Variants in LMLN observed in about 807,000 individuals in gnomAD.
LMLN encodes the protein leishmanolysin-like peptidase.
Under a neutral mutation model 92.3 loss-of-function variants are expected in LMLN, and 70 were observed. That is an observed-to-expected ratio of 0.76 (90% CI 0.63 to 0.92). The LOEUF is 0.92. Among genes scored for constraint, LMLN ranks in the 40% least tolerant of loss-of-function variants. The pLI, the probability that LMLN is intolerant of heterozygous loss-of-function variation, is 0.00. For synonymous variants in LMLN, 308 were observed against 296.2 expected (o/e 1.04, Z -0.41); for missense variants, 691 against 814.6 (o/e 0.85, Z 1.85).
In LMLN at chr3:197,965,739, C is replaced by A. The variant is rs889859398; in HGVS notation, c.219+5299C>A. ...GACCAGCCTGGGCAACTTAGTGAAACCCCGTGTCTACAAAAAATACAAAAA... is the reference window on the plus strand; with the variant it reads ...GACCAGCCTGGGCAACTTAGTGAAAACCCGTGTCTACAAAAAATACAAAAA... On this transcript the variant is annotated intron_variant, in intron 1 of 15. Transcript: ENST00000330198. 6.6e-5 allele frequency among the ~76,000 whole-genome samples: 10 copies of A among 152,114 alleles called. 1 individual carries two copies. The highest frequency in any genetic ancestry group is 2.4e-4 in the African/African-American group (10 of 41,440).
intron 1 of LMLN, among the ~76,000 whole-genome samples, chr3:197,971,704 C>A (rs1721229294): frequency 6.6e-6 from 1 of 152,134 alleles, no homozygotes; most frequent in African/African-American, 2.4e-5. Flanking sequence ...CATGCCTCAG[C>A]TTCCTGAGGA....
At chr3:197,964,583 G>C (rs1367175537) in intron 1 of LMLN, among the ~76,000 whole-genome samples, 2 of 151,618 alleles carry the variant, frequency 1.3e-5, no homozygotes, top group Non-Finnish European at 2.9e-5. Context: ...ATTTTTAGTG[G>C]AGATGGGGTT....
chr3:197,967,799 G>A (rs1721101571), intron 1 of LMLN, among the ~76,000 whole-genome samples: 1 of 152,090 alleles, frequency 6.6e-6, no homozygotes, highest in South Asian at 2.1e-4. Context: ...CTTCCAGAGT[G>A]GCCATTTATA....
At chr3:197,969,059 T>C (rs1178658406) in intron 1 of LMLN, among the ~76,000 whole-genome samples, 1 of 152,042 alleles carries the variant, frequency 6.6e-6, no homozygotes, top group Non-Finnish European at 1.5e-5. Context: ...GTGTAGTTTC[T>C]GACATTGGTA....
chr3:197,985,656 C>G, intron 7 of LMLN, 140 bp from the exon 8 acceptor site: 1 of 490,142 alleles, frequency 2.0e-6, no homozygotes, highest in Non-Finnish European at 3.7e-6. Flanking sequence ...TTGTTCAATT[C>G]CAGCGTAGGA....
chr3:197,967,448 C>T (rs758211197), intron 1 of LMLN, among the ~76,000 whole-genome samples: 10 of 151,990 alleles, frequency 6.6e-5, no homozygotes, highest in Non-Finnish European at 1.2e-4. Context: ...AGGGGGTGTA[C>T]GAAGAGGGAG....
At chr3:198,033,448 A>T (rs927951681) in intron 14 of LMLN, among the ~76,000 whole-genome samples, 2 of 151,416 alleles carry the variant, frequency 1.3e-5, no homozygotes, top group South Asian at 4.2e-4. Context: ...ATGGAGTCTC[A>T]CTCTGTCACC....
chr3:198,011,274 T>TCC (rs1158319778), intron 11 of LMLN, among the ~76,000 whole-genome samples: 2 of 144,240 alleles, frequency 1.4e-5, no homozygotes, highest in Admixed American at 1.4e-4. Context: ...CCCTCCTCAC[T>TCC]CCCCCCACCC....
At chr3:197,982,913 C>T (rs1219954912) in intron 6 of LMLN, among the ~76,000 whole-genome samples, 1 of 152,188 alleles carries the variant, frequency 6.6e-6, no homozygotes, top group Non-Finnish European at 1.5e-5. Flanking sequence ...AAGCCATGTA[C>T]ACCTGTTGCT....
chr3:197,988,281 G>A (rs111877564), intron 8 of LMLN, among the ~76,000 whole-genome samples: 9,799 of 151,122 alleles, frequency 0.065, 375 homozygotes, highest in African/African-American at 0.1. Flanking sequence ...ACTGTACCCC[G>A]ATGTTTTTTT....
chr3:198,024,732 A>T, exon 14 of LMLN: 3 of 1,612,646 alleles, frequency 1.9e-6, no homozygotes, highest in Non-Finnish European at 1.7e-6. Context: ...AGCATTCGTT[A>T]TGGAGAAGTG....
chr3:197,983,963 A>C, exon 7 of LMLN: 1 of 1,611,680 alleles, frequency 6.2e-7, no homozygotes, highest in South Asian at 1.1e-5. Flanking sequence ...GGATATGCTA[A>C]CCTGTGTCCA....
At chr3:198,021,893 C>T (rs1013029229) in intron 13 of LMLN, among the ~76,000 whole-genome samples, 1 of 152,164 alleles carries the variant, frequency 6.6e-6, no homozygotes, top group East Asian at 1.9e-4. Context: ...CATGCACACA[C>T]GCTATATTTT....
intron 11 of LMLN, 127 bp from the exon 12 acceptor site, chr3:198,002,888 T>A (rs1020159171): frequency 3.4e-6 from 2 of 581,314 alleles, no homozygotes; most frequent in African/African-American, 3.8e-5. Flanking sequence ...CTTACAGTGA[T>A]GGCCTCTGGC....
At chr3:198,029,597 T>TG in intron 14 of LMLN, among the ~76,000 whole-genome samples, 1 of 152,132 alleles carries the variant, frequency 6.6e-6, no homozygotes, top group South Asian at 2.1e-4. Context: ...CGCTTGAACC[T>TG]GGGAGATGGA....
At chr3:198,034,107 GC>G (rs1365821526) in intron 14 of LMLN, among the ~76,000 whole-genome samples, 1 of 152,158 alleles carries the variant, frequency 6.6e-6, no homozygotes, top group Non-Finnish European at 1.5e-5. Flanking sequence ...AACTACCTTT[GC>G]TGGACTTGCT....
chr3:197,980,974 G>A (rs780706654), intron 6 of LMLN, among the ~76,000 whole-genome samples: 1 of 152,046 alleles, frequency 6.6e-6, no homozygotes, highest in African/African-American at 2.4e-5. Flanking sequence ...GTGGTGGCAT[G>A]CACCCGTGGT....
At chr3:198,001,380 G>GTA (rs1374403404) in intron 11 of LMLN, among the ~76,000 whole-genome samples, 3 of 152,178 alleles carry the variant, frequency 2.0e-5, no homozygotes, top group Non-Finnish European at 4.4e-5. Context: ...CTCATGATGT[G>GTA]TAGCTGGAGT....
intron 9 of LMLN, among the ~76,000 whole-genome samples, chr3:197,991,471 G>A (rs1721867784): frequency 6.6e-6 from 1 of 152,138 alleles, no homozygotes; most frequent in African/African-American, 2.4e-5. Flanking sequence ...AATCCGATGG[G>A]ATAGGCCAGC....
Sources: allele counts gnomAD v4.1 joint callset (sites outside exome capture counted in the v4.1 genomes callset), GRCh38; gene constraint gnomAD v4.1.1; transcripts MANE v1.5; gene names NCBI Gene and HGNC (gene_info 2026-07-23, HGNC 2026-07-21).